SART1: variants seen among roughly 807,000 people sequenced by gnomAD.
SART1 encodes the protein U4/U6.U5 tri-snRNP-associated protein 1.
A neutral mutation model predicts 105.0 loss-of-function variants in SART1; 28 were observed. The observed-to-expected ratio is 0.27, with a 90% CI of 0.20 to 0.37. The LOEUF (loss-of-function observed/expected upper bound fraction) is 0.37. SART1 is among the 10% of genes least tolerant of loss of function. The probability of loss-of-function intolerance (pLI) is 1.00; values close to 1 mark genes in which losing one functional copy is unlikely to be tolerated. For synonymous variants in SART1, 472 were observed against 462.9 expected (o/e 1.02, Z -0.25); for missense variants, 894 against 1,106.5 (o/e 0.81, Z 2.72).
intron 1 of SART1, 41 bp downstream of exon 1, chr11:65,962,134 G>GGGGGGGGGGGGGGGGGCC: frequency 7.9e-6 from 3 of 378,090 alleles, no homozygotes; most frequent in Admixed American, 4.1e-5. Flanking sequence ...GTCGGGCGGG[G>GGGGGGGGGGGGGGGGGCC]GTCCCGGAAC....
chr11:65,965,070 C>CA (rs1855220413), intron 3 of SART1, 22 bp from the exon 4 acceptor site: 3 of 1,558,436 alleles, frequency 1.9e-6, no homozygotes, highest in Non-Finnish European at 2.6e-6. Context: ...GGCATAGCCT[C>CA]ACGTCTGGGC....
rs35186856 is a variant in SART1, at chr11:65,978,819, C to T, written c.2289C>T (p.Asp763=). 989 of 1,614,072 alleles carry T rather than the reference C, an allele frequency of 6.1e-4. 8 individuals carry two copies. The African/African-American group carries it at 0.011, about 19-fold the overall frequency. ...EALLKKMSSS[D]TPLGTVALLQ... ...TCCTGAAGAAGATGAGCTCCAGCGA[C>T]ACGCCCCTGGGCACCGTGGCCCTGC... Residue 763 remains aspartate, a synonymous_variant, in exon 19 of 20, where the codon GAC becomes GAT. Coordinates refer to ENST00000312397, the MANE Select transcript of SART1 (RefSeq NM_005146.5). This position sits in a 1 kb window ranked among gnomAD's most constrained non-coding sequence, Gnocchi z 6.8.
At chr11:65,968,352 G>C (rs1855305442) in intron 12 of SART1, among the ~76,000 whole-genome samples, 1 of 152,202 alleles carries the variant, frequency 6.6e-6, no homozygotes, top group Non-Finnish European at 1.5e-5. Context: ...TTGAATGCCT[G>C]CTGTGAGTAG....
At position 65,979,342 on chromosome 11, in the gene SART1, G is replaced by T; in HGVS notation, c.*312G>T. 1 of 504,336 alleles carries T rather than the reference G, an allele frequency of 2.0e-6. No individual in the cohort carries two copies. Among genetic ancestry groups the T allele is most frequent in the Non-Finnish European group, 3.6e-6 (1 of 278,632 alleles). The allele number at this position is 504,336 out of a possible 1,614,324, so 31.2% of individuals were successfully genotyped here. Reference sequence around the variant, plus strand: ...AAACTCATCACCCTGCTCTCTCCTGGCCTCGGGGGCTGCACAGGTCACTGT... The same window carrying T: ...AAACTCATCACCCTGCTCTCTCCTGTCCTCGGGGGCTGCACAGGTCACTGT... On this transcript the variant is annotated 3_prime_UTR_variant, in exon 20 of 20. Transcript: ENST00000312397.
Position 65,967,769 on chromosome 11 carries a change from G to T in SART1, c.1520G>T (p.Arg507Leu). 1 of 1,550,272 alleles carries T rather than the reference G, an allele frequency of 6.5e-7. No homozygotes were observed. Residue 507 changes from arginine to leucine, a missense_variant, in exon 12 of 20, where the codon CGC becomes CTC. Around this residue, in one of 2 missense-constraint regions of SART1, gnomAD observed 712 missense variants for 778.2 expected, o/e 0.91. Transcript: ENST00000312397. The stretch of plus-strand genomic sequence containing the variant: ...CTGCAGAAGCAGCTGGAGAAGGGAC[G>T]CCGGCTGCGACAGTTACAGCAGCTA... ...LELQKQLEKG[R>L]RLRQLQQLQQ...
chr11:65,965,848 C>T lies in SART1; in HGVS notation c.739-39C>T, dbSNP rs761871110. On this transcript the variant is annotated intron_variant, in intron 6 of 19. Transcript: ENST00000312397. ...GCTACCGGAATCCCGAGGTTGGGTG[C>T]GTGGAGGGAGGTTCCTGACTCGCCG... The T allele has an allele frequency of 4.3e-6, 7 of 1,612,632 alleles. No individual in the cohort carries two copies. The African/African-American group carries it at 5.3e-5, about 12-fold the overall frequency.
chr11:65,977,879 C>T lies in SART1; in HGVS notation c.2152C>T (p.Arg718Trp), dbSNP rs1245122534. Reference protein sequence around the residue: ...VKIEYVDETGRKLTPKEAFRQ... With the variant: ...VKIEYVDETGWKLTPKEAFRQ... ...GATCGAATACGTGGATGAGACGGGC[C>T]GGAAACTCACACCCAAGGAGGTGAG... The change falls in exon 17 of 20, where the codon CGG (arginine) becomes TGG (tryptophan). Residue 718 changes from arginine (R) to tryptophan (W), a missense_variant. Coordinates refer to ENST00000312397, the MANE Select transcript of SART1 (RefSeq NM_005146.5). 25 of 1,612,332 alleles carry T rather than the reference C, an allele frequency of 1.6e-5. No individual in the cohort carries two copies. The highest frequency in any genetic ancestry group is 2.1e-5 in the Non-Finnish European group (25 of 1,179,458).
At chr11:65,969,957 T>C (rs951016383) in intron 12 of SART1, among the ~76,000 whole-genome samples, 1 of 151,824 alleles carries the variant, frequency 6.6e-6, no homozygotes, top group African/African-American at 2.4e-5. Context: ...CTCCTCACCT[T>C]GTGATCCACC....
chr11:65,965,572 A>G, intron 5 of SART1, 125 bp downstream of exon 5: 2 of 1,315,084 alleles, frequency 1.5e-6, no homozygotes, highest in South Asian at 2.7e-5. Context: ...GGTCGGTAGC[A>G]TCTACTTTGG....
chr11:65,966,885 C>T (rs958013940), intron 9 of SART1, among the ~76,000 whole-genome samples: 7 of 152,236 alleles, frequency 4.6e-5, no homozygotes, highest in East Asian at 1.9e-4. Context: ...TGAGTGACAG[C>T]GTGGGTGAGG....
chr11:65,966,243 CG>C (rs762725337), intron 8 of SART1, 25 bp downstream of exon 8: 5 of 1,613,780 alleles, frequency 3.1e-6, no homozygotes, highest in African/African-American at 1.3e-5. Flanking sequence ...GGCTGGGTGG[CG>C]GGGGCTGAGG....
At position 65,965,705 on chromosome 11, in the gene SART1, A is replaced by G. The variant is rs749134694; in HGVS notation, c.664A>G (p.Lys222Glu). 6.2e-7 allele frequency: 1 copy of G among 1,613,766 alleles called. No individual in the cohort carries two copies. The highest frequency in any genetic ancestry group is 1.1e-5 in the South Asian group (1 of 91,006). ...GTCACCCCTCCCTGTCCCGTAGGCC[A>G]AGTTACTGGAGGAGATGGACCAAGA... ...KEKDLAEKRA[K>E]LLEEMDQEFG... The change falls in exon 6 of 20, where the codon AAG (lysine) becomes GAG (glutamate). Residue 222 changes from lysine to glutamate, a missense_variant. Coordinates refer to ENST00000312397, the MANE Select transcript of SART1 (RefSeq NM_005146.5).
rs1244042561 is a variant in SART1 at position 65,965,076 on chromosome 11, T to C, written c.428-16T>C. 6.4e-7 allele frequency: 1 copy of C among 1,565,376 alleles called. No homozygotes were observed. The highest frequency in any genetic ancestry group is 8.6e-7 in the Non-Finnish European group (1 of 1,160,712). Reference sequence around the variant, plus strand: ...CCATGGGCGGGCATAGCCTCACGTCTGGGCCCCCCTTCCAGAGGCGGGCAC... The same window carrying C: ...CCATGGGCGGGCATAGCCTCACGTCCGGGCCCCCCTTCCAGAGGCGGGCAC... On this transcript the variant is annotated splice_polypyrimidine_tract_variant and intron_variant, in intron 3 of 19. Coordinates refer to ENST00000312397, the MANE Select transcript of SART1 (RefSeq NM_005146.5).
rs772732834 is a variant in SART1 at position 65,964,508 on chromosome 11, T to C, written c.372-7T>C. On this transcript the variant is annotated splice_polypyrimidine_tract_variant and splice_region_variant and intron_variant, in intron 2 of 19. Transcript: ENST00000312397. ...TAGCCCCTAACACTTGTATCTCTTGTTGTCAGCAAACTCCGGGCAAAGTTG... is the reference window on the plus strand; with the variant it reads ...TAGCCCCTAACACTTGTATCTCTTGCTGTCAGCAAACTCCGGGCAAAGTTG... 1.2e-6 allele frequency: 2 copies of C among 1,613,258 alleles called. No homozygotes were observed. Among genetic ancestry groups the C allele is most frequent in the Non-Finnish European group, 1.7e-6 (2 of 1,179,778 alleles).
At chr11:65,975,126 CAG>C (rs1388081215) in intron 12 of SART1, among the ~76,000 whole-genome samples, 1 of 131,372 alleles carries the variant, frequency 7.6e-6, no homozygotes, top group Non-Finnish European at 1.6e-5. Context: ...TTTTTGGAGA[CAG>C]GGTATTGCTC....
chr11:65,976,992 A>G lies in SART1; in HGVS notation c.1858-22A>G. ...GAAGAGCCGGTATGGCCTGCTAACC[A>G]CCCCCGCCACGTGTCCCGTAGTTCT... On this transcript the variant is annotated intron_variant, in intron 14 of 19. Transcript: ENST00000312397. The surrounding 1 kb of genome is among the most constrained non-coding windows in gnomAD (Gnocchi z 5.1). 2 of 1,600,070 alleles carry G rather than the reference A, an allele frequency of 1.2e-6. No homozygotes were observed. The highest frequency in any genetic ancestry group is 2.7e-5 in the African/African-American group (2 of 74,364).
At position 65,966,230 on chromosome 11, in the gene SART1, G is replaced by A. The variant is rs1855253580; in HGVS notation, c.981+12G>A. On this transcript the variant is annotated intron_variant, in intron 8 of 19. Coordinates refer to ENST00000312397, the MANE Select transcript of SART1 (RefSeq NM_005146.5). ...ACGACCTGGCGCAGGCACGGCCTGG[G>A]CAGGCTGGGTGGCGGGGGCTGAGGT... The A allele has an allele frequency of 3.1e-6, 5 of 1,613,846 alleles. No homozygotes were observed. The African/African-American group carries it at 4.0e-5, about 13-fold the overall frequency.
At chr11:65,966,579 CTCGGGG>C in intron 9 of SART1, 23 bp downstream of exon 9, 1 of 1,475,192 alleles carries the variant, frequency 6.8e-7, no homozygotes, top group Non-Finnish European at 9.0e-7. Flanking sequence ...GTGCCTTATA[CTCGGGG>C]TCAAGATTCT....
At position 65,978,116 on chromosome 11, in the gene SART1, GC is replaced by G. The variant is rs1855521374; in HGVS notation, c.2172+219del. ...AGTGGGCACAGCAGTCTCTTTGCAAGCCTGGCAGGAGGGTCAGACAGGCACT... is the reference window on the plus strand; with the variant it reads ...AGTGGGCACAGCAGTCTCTTTGCAAGCTGGCAGGAGGGTCAGACAGGCACT... On this transcript the variant is annotated intron_variant, in intron 17 of 19. Transcript: ENST00000312397. This position sits in a 1 kb window ranked among gnomAD's most constrained non-coding sequence, Gnocchi z 6.8. 1 of 591,580 alleles carries G rather than the reference GC, an allele frequency of 1.7e-6. No individual in the cohort carries two copies. Among genetic ancestry groups the G allele is most frequent in the Non-Finnish European group, 3.0e-6 (1 of 334,412 alleles). 36.6% of individuals were successfully genotyped at this position (591,580 alleles called of 1,614,324 possible).
Sources: gnomAD v4.1 joint callset for allele counts (sites outside exome capture counted in the v4.1 genomes callset) on GRCh38, gnomAD v4.1.1 for gene constraint, gnomAD v4.1.1 regional missense constraint, Gnocchi (gnomAD v3.1) non-coding constraint, MANE v1.5 for transcripts, NCBI Gene and HGNC (gene_info 2026-07-23, HGNC 2026-07-21) for gene names.